LRMDA: variants seen among roughly 807,000 people sequenced by gnomAD.
LRMDA encodes the protein leucine-rich melanocyte differentiation-associated protein.
Under a neutral mutation model 29.8 loss-of-function variants are expected in LRMDA, and 18 were observed. That is an observed-to-expected ratio of 0.60 (90% CI 0.42 to 0.90). LRMDA has a LOEUF of 0.90. LRMDA is among the 40% of genes least tolerant of loss of function. LRMDA has a pLI of 0.00. For missense variants in LRMDA, 273 were observed against 273.9 expected (o/e 1.00, Z 0.02); for synonymous variants, 125 against 109.4 (o/e 1.14, Z -0.89).
intron 5 of LRMDA, among the ~76,000 whole-genome samples, chr10:76,266,720 T>C (rs1342207646): frequency 1.3e-5 from 2 of 152,224 alleles, no homozygotes; most frequent in Non-Finnish European, 2.9e-5. Flanking sequence ...TTGAGTTAAT[T>C]AGATTATTAC....
chr10:75,685,221 A>T (rs554450437), intron 2 of LRMDA, among the ~76,000 whole-genome samples: 1 of 152,004 alleles, frequency 6.6e-6, no homozygotes, highest in South Asian at 2.1e-4. Flanking sequence ...ACTTTCAGGC[A>T]TTTCAGCCAG....
At chr10:75,598,036 C>G (rs774525746) in intron 2 of LRMDA, among the ~76,000 whole-genome samples, 1 of 152,014 alleles carries the variant, frequency 6.6e-6, no homozygotes, top group Non-Finnish European at 1.5e-5. Flanking sequence ...TTGCTGCCCC[C>G]GTAGAGCCGG....
chr10:76,487,036 T>G (rs1842789432), intron 6 of LRMDA, among the ~76,000 whole-genome samples: 1 of 151,948 alleles, frequency 6.6e-6, no homozygotes, highest in African/African-American at 2.4e-5. Context: ...TACTCTTACT[T>G]AAACTTTAGA....
intron 2 of LRMDA, among the ~76,000 whole-genome samples, chr10:75,997,922 A>T (rs998422556): frequency 2.0e-5 from 3 of 152,218 alleles, no homozygotes; most frequent in African/African-American, 7.2e-5. Context: ...GTGCTCTCTC[A>T]GAGTGGCTGC....
chr10:75,580,922 G>A (rs1457279181), intron 2 of LRMDA, among the ~76,000 whole-genome samples: 1 of 152,178 alleles, frequency 6.6e-6, no homozygotes, highest in East Asian at 1.9e-4. Flanking sequence ...ATTAACTCAA[G>A]TTGGATTAAA....
rs1266266438 is a variant in LRMDA at position 75,804,322 on chromosome 10, A to G, written c.132-231686A>G. Among the ~76,000 whole-genome samples, 3 of 152,186 alleles carry G rather than the reference A, an allele frequency of 2.0e-5. No homozygotes were observed. In the South Asian group the frequency reaches 6.2e-4, roughly 32 times the overall value. On this transcript the variant is annotated intron_variant, in intron 2 of 6. Coordinates refer to ENST00000611255, the MANE Select transcript of LRMDA (RefSeq NM_001305581.2). Reference sequence around the variant, plus strand: ...TACACCTTGTGGACTTGAGCGATGGAGTCGATAGCTCTCACCACATTGTTC... The same window carrying G: ...TACACCTTGTGGACTTGAGCGATGGGGTCGATAGCTCTCACCACATTGTTC...
At chr10:76,214,420 C>A (rs1274820754) in intron 5 of LRMDA, among the ~76,000 whole-genome samples, 3 of 147,884 alleles carry the variant, frequency 2.0e-5, no homozygotes, top group African/African-American at 7.5e-5. Flanking sequence ...TCTCGGCTCA[C>A]TGTAAGCTCC....
At chr10:76,444,757 T>C (rs1049687344) in intron 6 of LRMDA, among the ~76,000 whole-genome samples, 3 of 152,256 alleles carry the variant, frequency 2.0e-5, no homozygotes, top group African/African-American at 7.2e-5. Context: ...CTAAAATGCT[T>C]AGGCCAGGAA....
intron 6 of LRMDA, among the ~76,000 whole-genome samples, chr10:76,539,485 T>C (rs1843328836): frequency 6.6e-6 from 1 of 152,038 alleles, no homozygotes; most frequent in Non-Finnish European, 1.5e-5. Context: ...AACTTTTGAG[T>C]CCACCATATC....
At chr10:75,783,165 T>G in intron 2 of LRMDA, 1 of 1,116,644 alleles carries the variant, frequency 9.0e-7, no homozygotes, top group Non-Finnish European at 1.3e-6. Flanking sequence ...CTTTTAACAT[T>G]GTCAGTGAAG....
chr10:76,479,485 G>C (rs1842714689), intron 6 of LRMDA, among the ~76,000 whole-genome samples: 1 of 151,804 alleles, frequency 6.6e-6, no homozygotes, highest in Non-Finnish European at 1.5e-5. Flanking sequence ...GTCCTATGAA[G>C]AATGTAACCA....
intron 6 of LRMDA, among the ~76,000 whole-genome samples, chr10:76,393,675 A>G (rs1841749717): frequency 6.6e-6 from 1 of 152,052 alleles, no homozygotes; most frequent in South Asian, 2.1e-4. Flanking sequence ...ATGTAATCCC[A>G]ATTATTTATT....
chr10:75,955,331 T>C (rs1846646104), intron 2 of LRMDA, among the ~76,000 whole-genome samples: 1 of 152,198 alleles, frequency 6.6e-6, no homozygotes, highest in Admixed American at 6.5e-5. Context: ...CCAGCCTCCA[T>C]GCTCCACAAA....
intron 2 of LRMDA, among the ~76,000 whole-genome samples, chr10:75,565,840 C>T (rs778154936): frequency 2.0e-5 from 3 of 152,170 alleles, no homozygotes; most frequent in African/African-American, 4.8e-5. Flanking sequence ...TTTGGGAGGC[C>T]AAGGTGGATG....
intron 2 of LRMDA, among the ~76,000 whole-genome samples, chr10:75,767,500 C>G (rs1346845253): frequency 2.0e-5 from 3 of 152,166 alleles, no homozygotes; most frequent in Non-Finnish European, 4.4e-5. Flanking sequence ...TCCTTGGAAG[C>G]TAACCTTTCT....
At chr10:75,442,024 C>T (rs1023129849) in intron 2 of LRMDA, among the ~76,000 whole-genome samples, 1 of 152,208 alleles carries the variant, frequency 6.6e-6, no homozygotes, top group Non-Finnish European at 1.5e-5. Context: ...CCTTTAGCCT[C>T]CCAGTTTCCC....
intron 3 of LRMDA, among the ~76,000 whole-genome samples, chr10:76,039,133 C>T (rs933650863): frequency 7.2e-5 from 11 of 152,192 alleles, no homozygotes; most frequent in Non-Finnish European, 1.2e-4. Flanking sequence ...TGTTAATGTC[C>T]CATGACCAAA....
intron 2 of LRMDA, among the ~76,000 whole-genome samples, chr10:75,876,003 A>C (rs1845191537): frequency 6.6e-6 from 1 of 152,122 alleles, no homozygotes. Flanking sequence ...GAGAGCAGTG[A>C]TTGGATCCTG....
At chr10:75,700,620 G>A (rs1842293537) in intron 2 of LRMDA, among the ~76,000 whole-genome samples, 1 of 152,034 alleles carries the variant, frequency 6.6e-6, no homozygotes, top group Non-Finnish European at 1.5e-5. Flanking sequence ...GTACAATGGT[G>A]TAGATAATTT....
Sources: allele counts gnomAD v4.1 joint callset (sites outside exome capture counted in the v4.1 genomes callset), GRCh38; gene constraint gnomAD v4.1.1; transcripts MANE v1.5; gene names NCBI Gene and HGNC (gene_info 2026-07-23, HGNC 2026-07-21).